The following NLK variants were observed in gnomAD, a reference collection of about 807,000 sequenced individuals.
NLK encodes serine/threonine-protein kinase NLK.
NLK carries 11 observed loss-of-function variants against 59.0 expected under a neutral mutation model. The observed-to-expected ratio is 0.19, with a 90% confidence interval of 0.12 to 0.31. NLK has a LOEUF of 0.31. Among genes scored for constraint, NLK ranks in the 10% least tolerant of loss-of-function variants. The probability of loss-of-function intolerance (pLI) is 1.00; values close to 1 mark genes in which losing one functional copy is unlikely to be tolerated. For missense variants in NLK, 410 were observed against 661.1 expected (o/e 0.62, Z 4.16); for synonymous variants, 235 against 235.9 (o/e 1.00, Z 0.03).
intron 3 of NLK, among the ~76,000 whole-genome samples, chr17:28,154,550 G>A (rs1432298049): frequency 1.3e-5 from 2 of 152,086 alleles, no homozygotes; most frequent in Admixed American, 6.6e-5. Flanking sequence ...CCAGTGGCAG[G>A]AGATGACTTA....
chr17:28,172,375 A>G, intron 6 of NLK, 142 bp from the exon 7 acceptor site: 1 of 376,214 alleles, frequency 2.7e-6, no homozygotes. Context: ...AAGTGAAAGT[A>G]GGGGCTCCTG....
chr17:28,161,720 A>G (rs1222685392), intron 4 of NLK, among the ~76,000 whole-genome samples: 1 of 152,212 alleles, frequency 6.6e-6, no homozygotes, highest in Non-Finnish European at 1.5e-5. Flanking sequence ...GAGAAACAAA[A>G]TGACCCTTAA....
At chr17:28,178,085 A>T (rs1908755218) in intron 7 of NLK, among the ~76,000 whole-genome samples, 1 of 152,142 alleles carries the variant, frequency 6.6e-6, no homozygotes, top group South Asian at 2.1e-4. Flanking sequence ...GTCATATGTG[A>T]CCTCCTAGCT....
intron 3 of NLK, among the ~76,000 whole-genome samples, chr17:28,150,258 C>T (rs1023828279): frequency 6.6e-6 from 1 of 152,188 alleles, no homozygotes; most frequent in Admixed American, 6.5e-5. Flanking sequence ...TCCTTTTCTT[C>T]TCCTCATAGC....
intron 1 of NLK, among the ~76,000 whole-genome samples, chr17:28,117,079 C>G (rs1335237552): frequency 6.6e-6 from 1 of 152,142 alleles, no homozygotes; most frequent in African/African-American, 2.4e-5. Flanking sequence ...GCAGACTGGG[C>G]TGTATCATCT....
chr17:28,092,430 T>TGG lies in NLK; in HGVS notation c.459-30171_459-30170dup, dbSNP rs577840822. On this transcript the variant is annotated intron_variant, in intron 1 of 10. Coordinates refer to ENST00000407008, the MANE Select transcript of NLK (RefSeq NM_016231.5). The stretch of plus-strand genomic sequence containing the variant: ...AAATTTAGAACATTTACTTAATAGG[T>TGG]GGGAGCTCTTCCATTTTGGTGATAC... Among the ~76,000 whole-genome samples, 3 of 152,340 alleles carry TGG rather than the reference T, an allele frequency of 2.0e-5. No homozygotes were observed. The South Asian group carries it at 6.2e-4, about 32-fold the overall frequency.
At chr17:28,056,429 C>G (rs932563723) in intron 1 of NLK, among the ~76,000 whole-genome samples, 12 of 152,166 alleles carry the variant, frequency 7.9e-5, no homozygotes, top group African/African-American at 2.9e-4. Flanking sequence ...TGTTTTGCTG[C>G]TTTACCAGTA....
chr17:28,168,761 G>C, intron 6 of NLK, 104 bp downstream of exon 6: 1 of 834,930 alleles, frequency 1.2e-6, no homozygotes, highest in Non-Finnish European at 1.9e-6. Context: ...TGTCTAATTT[G>C]CTTTTAGGAA....
At chr17:28,139,130 C>A (rs1906880264) in intron 3 of NLK, among the ~76,000 whole-genome samples, 1 of 152,090 alleles carries the variant, frequency 6.6e-6, no homozygotes, top group Non-Finnish European at 1.5e-5. Context: ...GTGGCACGTG[C>A]CAGTAATCCC....
At chr17:28,079,608 G>T (rs1910275321) in intron 1 of NLK, among the ~76,000 whole-genome samples, 1 of 152,158 alleles carries the variant, frequency 6.6e-6, no homozygotes, top group South Asian at 2.1e-4. Flanking sequence ...CTGATGATTA[G>T]TGAGGTTGAG....
intron 4 of NLK, among the ~76,000 whole-genome samples, chr17:28,163,024 T>G (rs1188380265): frequency 6.6e-6 from 1 of 152,206 alleles, no homozygotes; most frequent in Non-Finnish European, 1.5e-5. Flanking sequence ...CTTCTAAGAT[T>G]TCACAAATAT....
intron 1 of NLK, among the ~76,000 whole-genome samples, chr17:28,101,250 T>A (rs1032309960): frequency 6.6e-6 from 1 of 152,202 alleles, no homozygotes; most frequent in Non-Finnish European, 1.5e-5. Context: ...TTTTACCTAT[T>A]CTAGGTCCTT....
At chr17:28,169,339 G>C (rs752863935) in intron 6 of NLK, among the ~76,000 whole-genome samples, 97 of 152,272 alleles carry the variant, frequency 6.4e-4, no homozygotes, top group Middle Eastern at 6.8e-3. Flanking sequence ...CTTACACTTT[G>C]TGCTTAGAAT....
In NLK at chr17:28,158,115, A is replaced by T. The variant is rs79082180; in HGVS notation, c.645-3045A>T. On this transcript the variant is annotated intron_variant, in intron 3 of 10. Coordinates refer to ENST00000407008, the MANE Select transcript of NLK (RefSeq NM_016231.5). ...GTGATAGCAAATGGATAGGGAGTAC[A>T]GGTTGTTACACAAACCTAGATGGTA... is the stretch of plus-strand genomic sequence containing the variant. 3.4e-3 allele frequency among the ~76,000 whole-genome samples: 521 copies of T among 152,342 alleles called. 7 individuals are homozygous for T. Among genetic ancestry groups the T allele is most frequent in the African/African-American group, 0.012 (501 of 41,586 alleles).
At chr17:28,199,135 C>G (rs1909556822), downstream of NLK, among the ~76,000 whole-genome samples, 5 of 152,184 alleles carry the variant, frequency 3.3e-5, no homozygotes, top group Non-Finnish European at 1.5e-5. Context: ...GAGCCTGAAT[C>G]TACAGCTACG....
At position 28,043,110 on chromosome 17, in the gene NLK, TGCA is replaced by T; in HGVS notation, c.240_242del (p.Ala83del). 1 of 1,592,214 alleles carries T rather than the reference TGCA, an allele frequency of 6.3e-7. No homozygotes were observed. The highest frequency in any genetic ancestry group is 8.6e-7 in the Non-Finnish European group (1 of 1,169,528). ...CAGCTGCGGCAGCCGCAGCAGCGGC[TGCA>T]GCTGCAGCCATGTTAAACCCTGGGC... is the stretch of plus-strand genomic sequence containing the variant. On this transcript the variant is annotated inframe_deletion, in exon 1 of 11. Transcript: ENST00000407008.
In NLK at chr17:28,042,854, T is replaced by C; in HGVS notation, c.-20T>C. The C allele has an allele frequency of 6.8e-7, 1 of 1,474,904 alleles. No homozygotes were observed. Among genetic ancestry groups the C allele is most frequent in the Non-Finnish European group, 9.0e-7 (1 of 1,105,494 alleles). The allele number at this position is 1,474,904 out of a possible 1,614,324, so 91.4% of individuals were successfully genotyped here. On this transcript the variant is annotated 5_prime_UTR_variant, in exon 1 of 11. Coordinates refer to ENST00000407008, the MANE Select transcript of NLK (RefSeq NM_016231.5). The stretch of plus-strand genomic sequence containing the variant: ...CAGCTTGACCCAGTTTGCTTTCCAA[T>C]CAAAGGGCATTTATTTTGAATGTCT...
intron 3 of NLK, among the ~76,000 whole-genome samples, chr17:28,137,077 A>G (rs1035756593): frequency 6.6e-6 from 1 of 152,144 alleles, no homozygotes; most frequent in African/African-American, 2.4e-5. Context: ...TGAATTCAGC[A>G]TACTATATTA....
intron 3 of NLK, among the ~76,000 whole-genome samples, chr17:28,142,005 T>C (rs570831681): frequency 2.4e-4 from 36 of 152,334 alleles, no homozygotes; most frequent in African/African-American, 8.7e-4. Flanking sequence ...CCATCTATGT[T>C]TGACAGACAC....
Sources: allele counts gnomAD v4.1 joint callset (sites outside exome capture counted in the v4.1 genomes callset), GRCh38; gene constraint gnomAD v4.1.1; transcripts MANE v1.5; gene names NCBI Gene and HGNC (gene_info 2026-07-23, HGNC 2026-07-21).